CDK15: variants seen among roughly 807,000 people sequenced by gnomAD.
CDK15 encodes the protein cyclin dependent kinase 15.
CDK15 carries 62 observed loss-of-function variants against 60.3 expected under a neutral mutation model. That is an observed-to-expected ratio of 1.03 (90% CI 0.84 to 1.27). CDK15 has a LOEUF of 1.27. CDK15 is among the 50% of genes most tolerant of loss of function. The probability of loss-of-function intolerance (pLI) is 0.00; values close to 1 mark genes in which losing one functional copy is unlikely to be tolerated. For missense variants in CDK15, 541 were observed against 527.8 expected (o/e 1.03, Z -0.25); for synonymous variants, 194 against 195.7 (o/e 0.99, Z 0.07).
At chr2:201,844,365 A>G (rs1041293633) in intron 8 of CDK15, among the ~76,000 whole-genome samples, 5 of 152,156 alleles carry the variant, frequency 3.3e-5, no homozygotes, top group African/African-American at 1.2e-4. Context: ...CAGTTGGCTT[A>G]TCTCTTAGTG....
chr2:201,892,557 A>G (rs1190104204), intron 13 of CDK15, among the ~76,000 whole-genome samples: 1 of 152,232 alleles, frequency 6.6e-6, no homozygotes, highest in Admixed American at 6.5e-5. Flanking sequence ...CTGCGCCAGC[A>G]ATTGAAGAAG....
chr2:201,879,263 A>G (rs1231745448), intron 11 of CDK15, among the ~76,000 whole-genome samples: 1 of 152,170 alleles, frequency 6.6e-6, no homozygotes, highest in African/African-American at 2.4e-5. Context: ...AAATGCTGCA[A>G]ACAAGTGTAT....
intron 11 of CDK15, among the ~76,000 whole-genome samples, chr2:201,875,838 G>A (rs1475471205): frequency 6.6e-6 from 1 of 152,104 alleles, no homozygotes; most frequent in African/African-American, 2.4e-5. Flanking sequence ...CAGAGTGATG[G>A]GCTAGTCATA....
intron 10 of CDK15, chr2:201,861,419 C>T: frequency 1.0e-6 from 1 of 985,436 alleles, no homozygotes; most frequent in Non-Finnish European, 1.2e-6. Flanking sequence ...TTTCATTAAT[C>T]ATGTTGTATC....
At chr2:201,807,406 A>G in intron 1 of CDK15, 88 bp from the exon 2 acceptor site, 1 of 1,366,494 alleles carries the variant, frequency 7.3e-7, no homozygotes, top group Non-Finnish European at 9.9e-7. Flanking sequence ...AAGAGTGAAA[A>G]TGAGGCAAAT....
intron 3 of CDK15, among the ~76,000 whole-genome samples, chr2:201,809,610 C>T (rs958475871): frequency 1.3e-5 from 2 of 151,998 alleles, no homozygotes; most frequent in African/African-American, 2.4e-5. Context: ...CAAAACTCTA[C>T]GTTAGAGAAT....
chr2:201,860,666 T>C (rs1268124643), intron 10 of CDK15: 21 of 1,340,438 alleles, frequency 1.6e-5, no homozygotes, highest in Non-Finnish European at 2.0e-5. Context: ...CAGAATCAGA[T>C]GTACCATAAG....
At chr2:201,870,290 G>A (rs1214470640) in intron 10 of CDK15, among the ~76,000 whole-genome samples, 3 of 152,134 alleles carry the variant, frequency 2.0e-5, no homozygotes, top group African/African-American at 7.2e-5. Context: ...AGATCTATGT[G>A]CATGCCAACA....
intron 12 of CDK15, chr2:201,888,330 T>A: frequency 7.3e-7 from 1 of 1,368,082 alleles, no homozygotes; most frequent in Non-Finnish European, 9.5e-7. Context: ...CATTATCTCG[T>A]TCCGAAATGA....
chr2:201,889,367 C>A, intron 12 of CDK15: 4 of 982,702 alleles, frequency 4.1e-6, no homozygotes, highest in Non-Finnish European at 4.8e-6. Context: ...TGGCTGCTGC[C>A]TCTTGCTATT....
chr2:201,869,142 A>G (rs1698753566), intron 10 of CDK15, among the ~76,000 whole-genome samples: 2 of 152,232 alleles, frequency 1.3e-5, no homozygotes, highest in African/African-American at 4.8e-5. Context: ...ATGTCCATCA[A>G]TGATAGACTG....
intron 6 of CDK15, among the ~76,000 whole-genome samples, chr2:201,826,501 C>G (rs1696510728): frequency 7.1e-6 from 1 of 140,840 alleles, no homozygotes; most frequent in South Asian, 2.3e-4. Context: ...CTTAAACACA[C>G]TGCATTTCAA....
chr2:201,815,192 C>T (rs995716639), intron 4 of CDK15, among the ~76,000 whole-genome samples: 2 of 152,148 alleles, frequency 1.3e-5, no homozygotes, highest in African/African-American at 4.8e-5. Context: ...CTCAAGTGAT[C>T]TGCGTGTCTC....
intron 12 of CDK15, among the ~76,000 whole-genome samples, chr2:201,881,971 TATTCCACATGCTGACA>T: frequency 6.6e-6 from 1 of 152,318 alleles, no homozygotes; most frequent in Non-Finnish European, 1.5e-5. Flanking sequence ...TAGGATCTGT[TATTCCACATGCTGACA>T]ATTGCTGGGG....
chr2:201,842,090 A>G (rs1294613186), intron 8 of CDK15, among the ~76,000 whole-genome samples: 1 of 152,198 alleles, frequency 6.6e-6, no homozygotes. Flanking sequence ...GTCCATCTCC[A>G]GAACTTTTCA....
rs370954533 is a variant in CDK15 at position 201,864,035 on chromosome 2, T to C, written c.1010-8243T>C. Among the ~76,000 whole-genome samples the C allele has an allele frequency of 2.0e-5, 3 of 152,196 alleles. No homozygotes were observed. In the East Asian group the frequency reaches 5.8e-4, roughly 29 times the overall value. On this transcript the variant is annotated intron_variant, in intron 10 of 13. Coordinates refer to ENST00000652192, the MANE Select transcript of CDK15 (RefSeq NM_001366386.2). ...TTTATTTTTCATCCAACCATCTACT[T>C]CTTATTTATTCAGCAAATATGTATT...
rs576273260 is a variant in CDK15, at chr2:201,837,347, G to A, written c.851+1584G>A. ...AGAAAGAAAGGAAAAGAGAAGGAGA[G>A]GGAGAGGGGGAGAAAGGGAGAGGGG... On this transcript the variant is annotated intron_variant, in intron 8 of 13. Coordinates refer to ENST00000652192, the MANE Select transcript of CDK15 (RefSeq NM_001366386.2). 6.6e-5 allele frequency among the ~76,000 whole-genome samples: 9 copies of A among 137,092 alleles called. No individual in the cohort carries two copies. The East Asian group carries it at 1.9e-3, about 28-fold the overall frequency. The allele number at this position is 137,092 out of a possible 152,430, so 89.9% of individuals were successfully genotyped here. A position where few individuals can be genotyped will look rare whatever the true frequency, so the allele number is the denominator to read the frequency against.
chr2:201,890,748 A>T, intron 12 of CDK15, 37 bp from the exon 13 acceptor site: 2 of 1,486,296 alleles, frequency 1.3e-6, no homozygotes, highest in Non-Finnish European at 9.3e-7. Context: ...ATCCCAGGAA[A>T]TAACATATTG....
chr2:201,808,078 C>A, intron 3 of CDK15, 126 bp downstream of exon 3: 1 of 671,780 alleles, frequency 1.5e-6, no homozygotes. Flanking sequence ...GACACCATGG[C>A]CGACAGGGAG....
Sources: allele counts gnomAD v4.1 joint callset (sites outside exome capture counted in the v4.1 genomes callset), GRCh38; gene constraint gnomAD v4.1.1; transcripts MANE v1.5; gene names NCBI Gene and HGNC (gene_info 2026-07-23, HGNC 2026-07-21).